MLLT6: variants seen among roughly 807,000 people sequenced by gnomAD.
The protein encoded by MLLT6 is protein AF-17.
MLLT6 carries 22 observed loss-of-function variants against 103.0 expected under a neutral mutation model. The observed-to-expected ratio is 0.21, with a 90% confidence interval of 0.15 to 0.31. The LOEUF (loss-of-function observed/expected upper bound fraction) is 0.31. Among genes scored for constraint, MLLT6 ranks in the 10% least tolerant of loss-of-function variants. The pLI is 1.00. For missense variants in MLLT6, 1,199 were observed against 1,441.7 expected (o/e 0.83, Z 2.73); for synonymous variants, 606 against 623.5 (o/e 0.97, Z 0.42).
In MLLT6 at chr17:38,705,599, C is replaced by T. The variant is rs1904868094; in HGVS notation, c.-34C>T. On this transcript the variant is annotated 5_prime_UTR_variant, in exon 1 of 20. Transcript: ENST00000621332. ...GACCCCCGACCCCCGCCGGCCGGCC[C>T]CCCGCCCCAGCCCCGGAGGGAGCTC... 2 of 1,319,140 alleles carry T rather than the reference C, an allele frequency of 1.5e-6. No homozygotes were observed. Among genetic ancestry groups the T allele is most frequent in the East Asian group, 2.8e-5 (1 of 35,854 alleles). 81.7% of individuals were successfully genotyped at this position (1,319,140 alleles called of 1,614,324 possible).
intron 8 of MLLT6, 69 bp downstream of exon 8, chr17:38,712,858 G>C: frequency 1.7e-6 from 2 of 1,210,624 alleles, no homozygotes; most frequent in South Asian, 2.5e-5. Flanking sequence ...AGGCGGGGGC[G>C]AGAGGTTGGT....
At chr17:38,721,670 G>A (rs1418658190) in intron 16 of MLLT6, among the ~76,000 whole-genome samples, 1 of 152,232 alleles carries the variant, frequency 6.6e-6, no homozygotes, top group Non-Finnish European at 1.5e-5. Flanking sequence ...ATGATGAGGG[G>A]CGCTGGACTC....
intron 8 of MLLT6, chr17:38,714,850 C>T (rs181241640): frequency 6.6e-6 from 1 of 152,500 alleles, no homozygotes; most frequent in Admixed American, 6.5e-5. Context: ...AACCACCACC[C>T]TGCCGCTCTC....
intron 17 of MLLT6, 44 bp from the exon 18 acceptor site, chr17:38,722,634 T>TGGGGGGGGGGGGGGGGGGG: frequency 1.9e-6 from 1 of 532,158 alleles, no homozygotes; most frequent in Non-Finnish European, 3.6e-6. Context: ...CCCTCCCCCA[T>TGGGGGGGGGGGGGGGGGGG]GGTCTGTGTG....
In MLLT6 at chr17:38,717,496, C is replaced by T. The variant is rs1287115879; in HGVS notation, c.1716C>T (p.Ser572=). 1 of 1,613,076 alleles carries T rather than the reference C, an allele frequency of 6.2e-7. No homozygotes were observed. The highest frequency in any genetic ancestry group is 8.5e-7 in the Non-Finnish European group (1 of 1,179,856). The part of the protein sequence containing the change: ...HSGGMLRAVC[S]TPLSSSLLGP... ...GCGGGATGCTGCGGGCTGTCTGCAG[C>T]ACCCCTCTCTCCTCCAGCCTCCTGG... The change falls in exon 11 of 20, where the codon AGC becomes AGT. Residue 572 remains serine (S), a synonymous_variant. Transcript: ENST00000621332.
chr17:38,710,717 CAT>C (rs1376077491), intron 6 of MLLT6, among the ~76,000 whole-genome samples: 1 of 152,168 alleles, frequency 6.6e-6, no homozygotes. Flanking sequence ...AGGGGGAACA[CAT>C]GTCCTGATTT....
Position 38,724,524 on chromosome 17 carries a change from G to T in MLLT6, c.2884-96G>T, listed in dbSNP as rs1598003774. 1.1e-6 allele frequency: 1 copy of T among 889,272 alleles called. No homozygotes were observed. Among genetic ancestry groups the T allele is most frequent in the Non-Finnish European group, 1.7e-6 (1 of 583,208 alleles). 55.1% of individuals were successfully genotyped at this position (889,272 alleles called of 1,614,324 possible). A position where few individuals can be genotyped will look rare whatever the true frequency, so the allele number is the denominator to read the frequency against. On this transcript the variant is annotated intron_variant, in intron 18 of 19. Coordinates refer to ENST00000621332, the MANE Select transcript of MLLT6 (RefSeq NM_005937.4). The surrounding 1 kb of genome is among the most constrained non-coding windows in gnomAD (Gnocchi z 5.4). ...ACAGGCCTCTTGCCTCCTGATTCCA[G>T]TGTGATGGGGTGGGGCCTGGCCAGG...
At chr17:38,717,764 C>A (rs1168720982) in intron 11 of MLLT6, 81 bp from the exon 12 acceptor site, 2 of 1,401,088 alleles carry the variant, frequency 1.4e-6, no homozygotes, top group Non-Finnish European at 2.0e-6. Flanking sequence ...CCCAGCACAC[C>A]CGGCCCCCTG....
intron 16 of MLLT6, 44 bp downstream of exon 16, chr17:38,720,791 A>C (rs768311692): frequency 1.3e-6 from 2 of 1,554,970 alleles, no homozygotes; most frequent in African/African-American, 2.7e-5. Flanking sequence ...GGGAGACTCA[A>C]GGCTCTCCTG....
At chr17:38,722,653 C>A in intron 17 of MLLT6, 25 bp from the exon 18 acceptor site, 3 of 456,300 alleles carry the variant, frequency 6.6e-6, no homozygotes, top group South Asian at 2.1e-5. Context: ...TGTTGTCCCC[C>A]CCCCACCCCC....
rs1190381189 is a variant in MLLT6 at position 38,720,381 on chromosome 17, T to C, written c.2165T>C (p.Met722Thr). 2.6e-6 allele frequency: 4 copies of C among 1,515,732 alleles called. No individual in the cohort carries two copies. The highest frequency in any genetic ancestry group is 1.8e-5 in the Admixed American group (1 of 55,414). 93.9% of individuals were successfully genotyped at this position (1,515,732 alleles called of 1,614,324 possible). A position where few individuals can be genotyped will look rare whatever the true frequency, so the allele number is the denominator to read the frequency against. Residue 722 changes from methionine to threonine, a missense_variant, in exon 15 of 20, where the codon ATG (methionine) becomes ACG (threonine). Met to Thr is a moderately conservative substitution (Grantham distance 81, BLOSUM62 -1). Transcript: ENST00000621332. ...CTCGCTCTCTCCGCAGTCGTGGAGA[T>C]GCTGAAGGCGCTGCACGCGCTGCAG... is the stretch of plus-strand genomic sequence containing the variant. The part of the protein sequence containing the change: ...DGEAGVNIVE[M>T]LKALHALQKE...
Position 38,722,658 on chromosome 17 carries a change from A to AC in MLLT6, c.2793-14dup. 6 of 209,662 alleles carry AC rather than the reference A, an allele frequency of 2.9e-5. No homozygotes were observed. The highest frequency in any genetic ancestry group is 8.9e-5 in the Admixed American group (1 of 11,182). The allele number at this position is 209,662 out of a possible 1,614,324, so 13.0% of individuals were successfully genotyped here. ...ATGGTCTGTGTGTTGTCCCCCCCCC[A>AC]CCCCCCACCCCCACCTCAGCCTTAC... is the stretch of plus-strand genomic sequence containing the variant. On this transcript the variant is annotated intron_variant, in intron 17 of 19. Coordinates refer to ENST00000621332, the MANE Select transcript of MLLT6 (RefSeq NM_005937.4).
rs760328354 is a variant in MLLT6, at chr17:38,720,475, C to G, written c.2259C>G (p.Leu753=). The stretch of plus-strand genomic sequence containing the variant: ...CCAAAAAGGAGCGGCTGCAGATTCT[C>G]AACGTGCAGCTCTCTGTGCCCTTCC... ...LTAKKERLQI[L]NVQLSVPFPA... Residue 753 remains leucine (L), a synonymous_variant, in exon 15 of 20, where the codon CTC becomes CTG. Coordinates refer to ENST00000621332, the MANE Select transcript of MLLT6 (RefSeq NM_005937.4). 2 of 1,612,934 alleles carry G rather than the reference C, an allele frequency of 1.2e-6. No homozygotes were observed.
chr17:38,721,181 G>A (rs1905712758), intron 16 of MLLT6: 1 of 209,218 alleles, frequency 4.8e-6, no homozygotes, highest in Non-Finnish European at 9.7e-6. Context: ...GTGGCGGTTC[G>A]AATAGCAGTT....
Position 38,722,151 on chromosome 17 carries a change from G to A in MLLT6, c.2716G>A (p.Ala906Thr). The change falls in exon 17 of 20, where the codon GCC (alanine) becomes ACC (threonine). Residue 906 changes from alanine to threonine, a missense_variant. Ala to Thr is a moderately conservative substitution (Grantham distance 58). This residue lies in a region of MLLT6 where 1,034 missense variants were observed against 1,091.5 expected (regional missense o/e 0.95). Transcript: ENST00000621332. Reference sequence around the variant, plus strand: ...TGGGCTCCTTGGGGGGTTGAATGGGGCCGCTGCCCCCAACCCCGCAAGCTT... The same window carrying A: ...TGGGCTCCTTGGGGGGTTGAATGGGACCGCTGCCCCCAACCCCGCAAGCTT... Reference protein sequence around the residue: ...LNGLLGGLNGAAAPNPASLSQ... With the variant: ...LNGLLGGLNGTAAPNPASLSQ... 4 of 1,373,486 alleles carry A rather than the reference G, an allele frequency of 2.9e-6. No homozygotes were observed. Among genetic ancestry groups the A allele is most frequent in the Non-Finnish European group, 3.7e-6 (4 of 1,069,080 alleles). 85.1% of individuals were successfully genotyped at this position (1,373,486 alleles called of 1,614,324 possible).
Position 38,721,894 on chromosome 17 carries a change from G to T in MLLT6, c.2459G>T (p.Cys820Phe). Residue 820 changes from cysteine to phenylalanine, a missense_variant, in exon 17 of 20, where the codon TGC becomes TTC. Coordinates refer to ENST00000621332, the MANE Select transcript of MLLT6 (RefSeq NM_005937.4). ...CCTCCCCAGGACCCACACTCAGGCT[G>T]CCCGAGCCGCAGCAGCTCGTCGCTG... ...STSSEDPHSG[C>F]PSRSSSSLSF... 6.3e-7 allele frequency: 1 copy of T among 1,576,422 alleles called. No individual in the cohort carries two copies.
chr17:38,712,560 C>T (rs977476214), intron 7 of MLLT6, 131 bp from the exon 8 acceptor site: 7 of 654,750 alleles, frequency 1.1e-5, no homozygotes, highest in Non-Finnish European at 1.1e-5. Flanking sequence ...TTATCCAGCC[C>T]TCCTCAGGGA....
chr17:38,708,040 C>T, intron 4 of MLLT6, 168 bp downstream of exon 4: 1 of 600,920 alleles, frequency 1.7e-6, no homozygotes, highest in Non-Finnish European at 3.0e-6. Context: ...CAGACACACT[C>T]ATGCTCTGGC....
In MLLT6 at chr17:38,729,498, A is replaced by C; in HGVS notation, c.*3900A>C. ...CTTGGGTGGTGGGACTGGAGACCTC[A>C]CCCCTGCTCCCGTCCCGCCCCCTTT... On this transcript the variant is annotated 3_prime_UTR_variant, in exon 20 of 20. Transcript: ENST00000621332. The C allele has an allele frequency of 4.3e-6, 1 of 233,348 alleles. No individual in the cohort carries two copies. Among genetic ancestry groups the C allele is most frequent in the Non-Finnish European group, 8.5e-6 (1 of 117,922 alleles). 14.5% of individuals were successfully genotyped at this position (233,348 alleles called of 1,614,324 possible). A position where few individuals can be genotyped will look rare whatever the true frequency, so the allele number is the denominator to read the frequency against.
Sources: allele counts gnomAD v4.1 joint callset (sites outside exome capture counted in the v4.1 genomes callset), GRCh38; gene constraint gnomAD v4.1.1; regional missense constraint gnomAD v4.1.1; non-coding constraint Gnocchi (gnomAD v3.1); transcripts MANE v1.5; gene names NCBI Gene and HGNC (gene_info 2026-07-23, HGNC 2026-07-21).